MSH3: variants seen among roughly 807,000 people sequenced by gnomAD.
The protein encoded by MSH3 is DNA mismatch repair protein Msh3.
MSH3 carries 106 observed loss-of-function variants against 123.3 expected under a neutral mutation model. The observed-to-expected ratio is 0.86, with a 90% confidence interval of 0.73 to 1.01. MSH3 has a LOEUF of 1.01. MSH3 is among the 50% of genes least tolerant of loss of function. The probability of loss-of-function intolerance (pLI) is 0.00; values close to 1 mark genes in which losing one functional copy is unlikely to be tolerated. For missense variants in MSH3, 1,459 were observed against 1,347.6 expected (o/e 1.08, Z -1.29); for synonymous variants, 515 against 481.4 (o/e 1.07, Z -0.91).
intron 20 of MSH3, among the ~76,000 whole-genome samples, chr5:80,836,344 A>G (rs967311120): frequency 2.0e-5 from 3 of 152,170 alleles, no homozygotes; most frequent in Non-Finnish European, 2.9e-5. Context: ...TCTGCTTAAC[A>G]CTTGAGGGGA....
At position 80,726,419 on chromosome 5, in the gene MSH3, T is replaced by C. The variant is rs188206346; in HGVS notation, c.1453+854T>C. On this transcript the variant is annotated intron_variant, in intron 9 of 23. Transcript: ENST00000265081. ...CATCAGTGTCTTGTTAGCATGTCTCTTTAATTTCATGATGCCTTGGTCAAA... is the reference window on the plus strand; with the variant it reads ...CATCAGTGTCTTGTTAGCATGTCTCCTTAATTTCATGATGCCTTGGTCAAA... 3.8e-3 allele frequency among the ~76,000 whole-genome samples: 584 copies of C among 152,306 alleles called. 4 individuals carry two copies. The highest frequency in any genetic ancestry group is 0.013 in the African/African-American group (545 of 41,568).
At position 80,711,426 on chromosome 5, in the gene MSH3, T is replaced by C. The variant is rs532782249; in HGVS notation, c.1341-14027T>C. ...CGCCTCTGTTGGTAAGGAGGGGTTTTTTGGGCCTCCAGAACCTCCCACAGG... is the reference window on the plus strand; with the variant it reads ...CGCCTCTGTTGGTAAGGAGGGGTTTCTTGGGCCTCCAGAACCTCCCACAGG... On this transcript the variant is annotated intron_variant, in intron 8 of 23. Coordinates refer to ENST00000265081, the MANE Select transcript of MSH3 (RefSeq NM_002439.5). Among the ~76,000 whole-genome samples, 10 of 152,298 alleles carry C rather than the reference T, an allele frequency of 6.6e-5. No homozygotes were observed. The South Asian group carries it at 2.1e-3, about 32-fold the overall frequency.
intron 8 of MSH3, among the ~76,000 whole-genome samples, chr5:80,684,689 A>G (rs543795055): frequency 1.1e-4 from 16 of 152,144 alleles, no homozygotes; most frequent in African/African-American, 3.9e-4. Flanking sequence ...TGATTGCCCT[A>G]GTTAGGACTA....
rs397942439 is a variant in MSH3 at position 80,658,037 on chromosome 5, C to CT, written c.358+1519dup. On this transcript the variant is annotated intron_variant, in intron 2 of 23. Coordinates refer to ENST00000265081, the MANE Select transcript of MSH3 (RefSeq NM_002439.5). ...TTTTCCTAAGAATGCTTTTTGCCCTCTTTTTTTTTTTTTGAGATAGGGTCT... is the reference window on the plus strand; with the variant it reads ...TTTTCCTAAGAATGCTTTTTGCCCTCTTTTTTTTTTTTTTGAGATAGGGTCT... Among the ~76,000 whole-genome samples, 59 of 116,612 alleles carry CT rather than the reference C, an allele frequency of 5.1e-4. 3 individuals carry two copies. The highest frequency in any genetic ancestry group is 4.4e-3 in the Middle Eastern group (1 of 226). The allele number at this position is 116,612 out of a possible 152,430, so 76.5% of individuals were successfully genotyped here.
chr5:80,778,931 C>T lies in MSH3; in HGVS notation c.2435+95C>T, dbSNP rs1466348100. ...CAAAAAGAAAATAGAGATTACAGCT[C>T]ATGACCCACCATAAAATAGTTGAGT... On this transcript the variant is annotated intron_variant, in intron 17 of 23. Coordinates refer to ENST00000265081, the MANE Select transcript of MSH3 (RefSeq NM_002439.5). The T allele has an allele frequency of 9.5e-6, 7 of 740,524 alleles. No homozygotes were observed. In the East Asian group the frequency reaches 1.8e-4, roughly 19 times the overall value. 45.9% of individuals were successfully genotyped at this position (740,524 alleles called of 1,614,324 possible). A position where few individuals can be genotyped will look rare whatever the true frequency, so the allele number is the denominator to read the frequency against.
intron 17 of MSH3, among the ~76,000 whole-genome samples, chr5:80,785,357 T>C (rs1401364741): frequency 6.6e-6 from 1 of 152,190 alleles, no homozygotes; most frequent in East Asian, 1.9e-4. Context: ...CATGAAAAAA[T>C]GCTCACCATC....
Position 80,876,726 on chromosome 5 carries a change from A to G in MSH3, c.*864A>G, listed in dbSNP as rs908541726. ...GGTCATGAAATTTAAAAGGTTAAAT[A>G]TTGTCATAGGATTAAGCAGTTTAAA... is the stretch of plus-strand genomic sequence containing the variant. On this transcript the variant is annotated 3_prime_UTR_variant, in exon 24 of 24. Transcript: ENST00000265081. Among the ~76,000 whole-genome samples the G allele has an allele frequency of 6.6e-6, 1 of 152,220 alleles. No individual in the cohort carries two copies. The highest frequency in any genetic ancestry group is 6.5e-5 in the Admixed American group (1 of 15,282).
At chr5:80,832,107 C>A in intron 20 of MSH3, among the ~76,000 whole-genome samples, 1 of 142,296 alleles carries the variant, frequency 7.0e-6, no homozygotes, top group Non-Finnish European at 1.5e-5. Flanking sequence ...GAGACTCCTT[C>A]TCAAAAAACA....
At chr5:80,738,080 AT>A (rs1743545536) in intron 10 of MSH3, among the ~76,000 whole-genome samples, 1 of 152,222 alleles carries the variant, frequency 6.6e-6, no homozygotes, top group Non-Finnish European at 1.5e-5. Context: ...CGTTAATACC[AT>A]TGATTAAAAT....
At chr5:80,742,953 A>G (rs1345930178) in intron 11 of MSH3, among the ~76,000 whole-genome samples, 1 of 152,156 alleles carries the variant, frequency 6.6e-6, no homozygotes. Context: ...TCTGGAATCA[A>G]AATACCCTTC....
intron 8 of MSH3, among the ~76,000 whole-genome samples, chr5:80,705,351 C>T (rs7709909): frequency 0.34 from 51,010 of 152,036 alleles, 8,661 homozygotes; most frequent in Non-Finnish European, 0.37. Flanking sequence ...GTGCTAGAGC[C>T]GCTTGTAGCT....
At chr5:80,872,868 A>G (rs566973143) in intron 22 of MSH3, among the ~76,000 whole-genome samples, 41 of 152,316 alleles carry the variant, frequency 2.7e-4, no homozygotes, top group African/African-American at 7.9e-4. Context: ...CAAATTTGCA[A>G]TGAATCATTG....
At chr5:80,786,049 G>C (rs1243719294) in intron 17 of MSH3, among the ~76,000 whole-genome samples, 1 of 151,914 alleles carries the variant, frequency 6.6e-6, no homozygotes, top group African/African-American at 2.4e-5. Flanking sequence ...GCTAGATGAC[G>C]AGTTAGTGGG....
chr5:80,831,173 T>C (rs1745410655), intron 20 of MSH3, among the ~76,000 whole-genome samples: 1 of 152,242 alleles, frequency 6.6e-6, no homozygotes, highest in African/African-American at 2.4e-5. Flanking sequence ...ATAAATGTTT[T>C]TCATATTGCT....
At position 80,672,873 on chromosome 5, in the gene MSH3, C is replaced by T. The variant is rs181036898; in HGVS notation, c.1027+15C>T. The T allele has an allele frequency of 3.3e-5, 52 of 1,570,694 alleles. No homozygotes were observed. The highest frequency in any genetic ancestry group is 5.4e-5 in the African/African-American group (4 of 74,152). On this transcript the variant is annotated intron_variant, in intron 6 of 23. Coordinates refer to ENST00000265081, the MANE Select transcript of MSH3 (RefSeq NM_002439.5). ...TATTGGAGAAGATATCCTTTTTGGA[C>T]GGGAGTTTTTCTCTTAAATGATACA...
chr5:80,823,899 T>C (rs1745243627), intron 20 of MSH3, among the ~76,000 whole-genome samples: 1 of 152,002 alleles, frequency 6.6e-6, no homozygotes, highest in African/African-American at 2.4e-5. Flanking sequence ...GTAATGACTC[T>C]TAATGAGCAT....
chr5:80,685,389 A>G (rs1047464926), intron 8 of MSH3, among the ~76,000 whole-genome samples: 9 of 151,450 alleles, frequency 5.9e-5, no homozygotes, highest in South Asian at 2.1e-4. Context: ...TCGTGGTTCA[A>G]TCTTGGTGGA....
intron 19 of MSH3, among the ~76,000 whole-genome samples, chr5:80,800,525 C>T (rs1359480324): frequency 6.6e-6 from 1 of 152,198 alleles, no homozygotes; most frequent in Admixed American, 6.5e-5. Flanking sequence ...CACGATCTTT[C>T]TAAAAGAGAT....
intron 19 of MSH3, among the ~76,000 whole-genome samples, chr5:80,797,419 C>G (rs1744716695): frequency 6.6e-6 from 1 of 152,150 alleles, no homozygotes. Context: ...CAGCAGTCTC[C>G]AAGTCTCACT....
Sources: gnomAD v4.1 joint callset for allele counts (sites outside exome capture counted in the v4.1 genomes callset) on GRCh38, gnomAD v4.1.1 for gene constraint, MANE v1.5 for transcripts, NCBI Gene and HGNC (gene_info 2026-07-23, HGNC 2026-07-21) for gene names.